KHDRBS2: variants seen among roughly 807,000 people sequenced by gnomAD.
KHDRBS2 encodes the protein KH domain-containing, RNA-binding, signal transduction-associated protein 2.
KHDRBS2 carries 26 observed loss-of-function variants against 44.3 expected under a neutral mutation model. The observed-to-expected ratio is 0.59, with a 90% CI of 0.43 to 0.81. The LOEUF is 0.81. Among genes scored for constraint, KHDRBS2 ranks in the 40% least tolerant of loss-of-function variants. The probability of loss-of-function intolerance (pLI) is 0.00; values close to 1 mark genes in which losing one functional copy is unlikely to be tolerated. For synonymous variants in KHDRBS2, 194 were observed against 151.1 expected (o/e 1.28, Z -2.08); for missense variants, 476 against 433.1 (o/e 1.10, Z -0.88).
At chr6:62,026,779 T>G (rs1188268714) in intron 3 of KHDRBS2, among the ~76,000 whole-genome samples, 1 of 152,108 alleles carries the variant, frequency 6.6e-6, no homozygotes. Context: ...TATCTTTTCT[T>G]AAGCATATTT....
At chr6:61,932,901 G>A (rs761868630) in intron 4 of KHDRBS2, among the ~76,000 whole-genome samples, 12 of 152,120 alleles carry the variant, frequency 7.9e-5, no homozygotes, top group Non-Finnish European at 1.8e-4. Flanking sequence ...TGTTGCAAAT[G>A]GTAGGATTTC....
At chr6:61,847,597 C>A (rs1354008628) in intron 6 of KHDRBS2, among the ~76,000 whole-genome samples, 1 of 152,004 alleles carries the variant, frequency 6.6e-6, no homozygotes, top group Non-Finnish European at 1.5e-5. Context: ...AAAACATGTA[C>A]GTAACAGGAT....
chr6:61,905,262 G>A (rs1299581398), intron 4 of KHDRBS2, among the ~76,000 whole-genome samples: 1 of 152,118 alleles, frequency 6.6e-6, no homozygotes, highest in Non-Finnish European at 1.5e-5. Flanking sequence ...TGGCAATAAT[G>A]AAAAGACTAG....
chr6:61,710,070 A>G, intron 7 of KHDRBS2, among the ~76,000 whole-genome samples: 1 of 151,682 alleles, frequency 6.6e-6, no homozygotes, highest in African/African-American at 2.4e-5. Context: ...ATCACTTGTT[A>G]CTTATTAAGA....
chr6:61,637,003 C>T, the KHDRBS2 span, among the ~76,000 whole-genome samples: 3 of 151,910 alleles, frequency 2.0e-5, no homozygotes, highest in Non-Finnish European at 2.9e-5. Flanking sequence ...AATAAAGCTA[C>T]ATTAAGTTCA....
At chr6:61,743,804 G>T (rs536267065) in intron 6 of KHDRBS2, among the ~76,000 whole-genome samples, 22 of 87,700 alleles carry the variant, frequency 2.5e-4, no homozygotes, top group Admixed American at 1.0e-3. Flanking sequence ...AACAGTCCCC[G>T]GTGTGTGATG....
intron 2 of KHDRBS2, among the ~76,000 whole-genome samples, chr6:62,108,251 A>T (rs866575872): frequency 7.9e-5 from 12 of 152,334 alleles, no homozygotes; most frequent in Middle Eastern, 6.8e-3. Flanking sequence ...TTTAGAAGAA[A>T]AAAACAAAGA....
the KHDRBS2 span, among the ~76,000 whole-genome samples, chr6:61,593,138 G>A: frequency 1.9e-4 from 29 of 152,258 alleles, no homozygotes; most frequent in Admixed American, 7.2e-4. Flanking sequence ...GATGTTCTTA[G>A]GTTGTAATTT....
At chr6:61,553,167 T>G in the KHDRBS2 span, among the ~76,000 whole-genome samples, 1 of 152,328 alleles carries the variant, frequency 6.6e-6, no homozygotes, top group African/African-American at 2.4e-5. Flanking sequence ...TATTACTGAT[T>G]CAAATTCAAA....
chr6:61,887,777 G>A (rs1317399067), intron 6 of KHDRBS2, among the ~76,000 whole-genome samples: 1 of 152,108 alleles, frequency 6.6e-6, no homozygotes, highest in African/African-American at 2.4e-5. Context: ...TCAACATGGT[G>A]CTATTATTTT....
intron 7 of KHDRBS2, among the ~76,000 whole-genome samples, chr6:61,697,584 A>T (rs1261836402): frequency 6.6e-6 from 1 of 152,148 alleles, no homozygotes; most frequent in Non-Finnish European, 1.5e-5. Flanking sequence ...GCTCTCTAAG[A>T]TGACAATCTG....
intron 7 of KHDRBS2, among the ~76,000 whole-genome samples, chr6:61,711,523 G>A (rs1294125462): frequency 1.3e-5 from 2 of 151,862 alleles, no homozygotes; most frequent in Non-Finnish European, 2.9e-5. Context: ...TTTGACAATA[G>A]TTAATTTAGA....
chr6:62,012,891 T>C (rs1427113655), intron 3 of KHDRBS2, among the ~76,000 whole-genome samples: 1 of 152,142 alleles, frequency 6.6e-6, no homozygotes, highest in Non-Finnish European at 1.5e-5. Flanking sequence ...TCCACTGTAC[T>C]CCCAAAGAAA....
intron 4 of KHDRBS2, among the ~76,000 whole-genome samples, chr6:61,961,036 T>C (rs1272916450): frequency 6.6e-6 from 1 of 152,100 alleles, no homozygotes; most frequent in African/African-American, 2.4e-5. Flanking sequence ...TGGCCCAGAC[T>C]GAAGTTAGTC....
intron 7 of KHDRBS2, among the ~76,000 whole-genome samples, chr6:61,723,486 A>G (rs769163798): frequency 6.6e-6 from 1 of 152,004 alleles, no homozygotes; most frequent in Non-Finnish European, 1.5e-5. Context: ...GCTAAGAATT[A>G]TAATAAAACA....
At chr6:62,216,696 CTTT>C (rs562340356) in intron 1 of KHDRBS2, among the ~76,000 whole-genome samples, 1 of 140,118 alleles carries the variant, frequency 7.1e-6, no homozygotes, top group African/African-American at 2.6e-5. Context: ...TCTTTCTCCT[CTTT>C]TTTTTTTTTT....
At chr6:62,090,885 A>T (rs1799372314) in intron 2 of KHDRBS2, among the ~76,000 whole-genome samples, 1 of 152,140 alleles carries the variant, frequency 6.6e-6, no homozygotes, top group Admixed American at 6.5e-5. Context: ...GATTTTTGCA[A>T]GTGTCACAGG....
intron 4 of KHDRBS2, among the ~76,000 whole-genome samples, chr6:61,950,864 A>C (rs1489519431): frequency 6.6e-6 from 1 of 152,102 alleles, no homozygotes; most frequent in Non-Finnish European, 1.5e-5. Flanking sequence ...TGTGATGTTT[A>C]CAGTAAATGA....
At chr6:62,045,379 T>A (rs1415029056) in intron 3 of KHDRBS2, among the ~76,000 whole-genome samples, 1 of 152,040 alleles carries the variant, frequency 6.6e-6, no homozygotes, top group African/African-American at 2.4e-5. Flanking sequence ...TTTCTGATAT[T>A]TCTATGTTTG....
Sources: allele counts gnomAD v4.1 joint callset (sites outside exome capture counted in the v4.1 genomes callset), GRCh38; gene constraint gnomAD v4.1.1; transcripts MANE v1.5; gene names NCBI Gene and HGNC (gene_info 2026-07-23, HGNC 2026-07-21).